Variants in RNF122 observed in about 807,000 individuals in gnomAD.
The protein encoded by RNF122 is ring finger protein 122.
A neutral mutation model predicts 24.2 loss-of-function variants in RNF122; 17 were observed. The ratio of observed to expected loss-of-function variants is 0.70; its 90% CI spans 0.48 to 1.06. The LOEUF (loss-of-function observed/expected upper bound fraction) is 1.06, where lower values mean the gene tolerates loss of function less well. RNF122 is among the 50% of genes least tolerant of loss of function. The pLI, the probability that RNF122 is intolerant of heterozygous loss-of-function variation, is 0.00. For missense variants in RNF122, 168 were observed against 198.1 expected, an observed-to-expected ratio of 0.85 and a Z score of 0.91; for synonymous variants, 65 against 71.8, an observed-to-expected ratio of 0.91 and a Z score of 0.48.
intron 1 of RNF122, among the ~76,000 whole-genome samples, chr8:33,564,872 C>CAAA: frequency 1.3e-5 from 2 of 150,334 alleles, no homozygotes; most frequent in African/African-American, 5.0e-5. Context: ...AACTCAGTCT[C>CAAA]AAAAAAATAA....
chr8:33,563,889 G>A lies in RNF122; in HGVS notation c.25+2810C>T, dbSNP rs77670275. On this transcript the variant is annotated intron_variant, in intron 1 of 5. Transcript: ENST00000256257. ...CAGAGGATATCTGTGCACTCCACAA[G>A]CACGATGGTCCCCGCAAGTCCTCTG... Among the ~76,000 whole-genome samples the A allele has an allele frequency of 9.6e-3, 1,463 of 152,238 alleles. 21 individuals are homozygous for A. Among genetic ancestry groups the A allele is most frequent in the African/African-American group, 0.032 (1,334 of 41,534 alleles).
Position 33,551,520 on chromosome 8 carries a change from A to C in RNF122, c.183-131T>G, listed in dbSNP as rs1213975308. 28 of 859,134 alleles carry C rather than the reference A, an allele frequency of 3.3e-5. No individual in the cohort carries two copies. The Admixed American group carries it at 5.5e-4, about 17-fold the overall frequency. The allele number at this position is 859,134 out of a possible 1,614,324, so 53.2% of individuals were successfully genotyped here. On this transcript the variant is annotated intron_variant, in intron 2 of 5. Coordinates refer to ENST00000256257, the MANE Select transcript of RNF122 (RefSeq NM_024787.3). ...GCTTGTCCCATACACACCACAGGGCATACTTTGGACCTATGCAAGCCAACA... is the reference window on the plus strand; with the variant it reads ...GCTTGTCCCATACACACCACAGGGCCTACTTTGGACCTATGCAAGCCAACA...
In RNF122 at chr8:33,548,147, CCT is replaced by C. The variant is rs1486114412; in HGVS notation, c.*604_*605del. The C allele has an allele frequency of 6.6e-6, 1 of 152,562 alleles. No individual in the cohort carries two copies. The highest frequency in any genetic ancestry group is 1.9e-4 in the East Asian group (1 of 5,182). 9.5% of individuals were successfully genotyped at this position (152,562 alleles called of 1,614,324 possible). On this transcript the variant is annotated 3_prime_UTR_variant, in exon 6 of 6. Transcript: ENST00000256257. ...CCGTGGGTCCTGGCAGGGGAAGGGC[CCT>C]CTCTTACTCTGGAGTCAGCTGGCGC...
chr8:33,561,539 CT>C (rs954906007), intron 1 of RNF122, among the ~76,000 whole-genome samples: 26 of 146,614 alleles, frequency 1.8e-4, no homozygotes, highest in Middle Eastern at 3.5e-3. Context: ...TCCTAGTTGC[CT>C]TTTTTTTTTT....
In RNF122 at chr8:33,561,638, G is replaced by A. The variant is rs200398614; in HGVS notation, c.26-2867C>T. On this transcript the variant is annotated intron_variant, in intron 1 of 5. Coordinates refer to ENST00000256257, the MANE Select transcript of RNF122 (RefSeq NM_024787.3). The stretch of plus-strand genomic sequence containing the variant: ...GCTCACTGCAACCTCTGCCTCCTGG[G>A]TTCAAGTGATCCTTCTACCTCAGCT... Among the ~76,000 whole-genome samples, 33 of 152,032 alleles carry A rather than the reference G, an allele frequency of 2.2e-4. No homozygotes were observed. The East Asian group carries it at 6.4e-3, about 29-fold the overall frequency.
chr8:33,558,250 C>T (rs182616435), intron 2 of RNF122, among the ~76,000 whole-genome samples: 1 of 152,240 alleles, frequency 6.6e-6, no homozygotes, highest in East Asian at 1.9e-4. Flanking sequence ...CTGATGCCCA[C>T]CTGTTCCCGA....
intron 4 of RNF122, among the ~76,000 whole-genome samples, chr8:33,550,795 G>C (rs1173912621): frequency 6.6e-6 from 1 of 152,104 alleles, no homozygotes; most frequent in African/African-American, 2.4e-5. Context: ...TGGGACTCCT[G>C]GGGCTGTGGG....
Position 33,558,775 on chromosome 8 carries a change from C to A in RNF122, c.26-4G>T. The stretch of plus-strand genomic sequence containing the variant: ...AGTCCCAGGCCACAGAAACACCCTG[C>A]AAAGGGAGAGAAAAAAAAATCATTA... On this transcript the variant is annotated splice_region_variant and splice_polypyrimidine_tract_variant and intron_variant, in intron 1 of 5. Coordinates refer to ENST00000256257, the MANE Select transcript of RNF122 (RefSeq NM_024787.3). 2.6e-6 allele frequency: 4 copies of A among 1,511,388 alleles called. No individual in the cohort carries two copies. In the African/African-American group the frequency reaches 5.7e-5, roughly 22 times the overall value. 93.6% of individuals were successfully genotyped at this position (1,511,388 alleles called of 1,614,324 possible).
At chr8:33,561,795 G>A (rs562894707) in intron 1 of RNF122, among the ~76,000 whole-genome samples, 17 of 152,026 alleles carry the variant, frequency 1.1e-4, no homozygotes, top group Admixed American at 2.0e-4. Flanking sequence ...CACCCGTCTT[G>A]GCCTCCCAAG....
intron 2 of RNF122, among the ~76,000 whole-genome samples, chr8:33,552,839 G>A (rs997256912): frequency 3.3e-5 from 5 of 152,018 alleles, no homozygotes; most frequent in African/African-American, 1.2e-4. Flanking sequence ...TGGGCAGATT[G>A]CTTGAGCTCA....
intron 2 of RNF122, among the ~76,000 whole-genome samples, chr8:33,556,681 G>A (rs1810457174): frequency 6.6e-6 from 1 of 152,214 alleles, no homozygotes; most frequent in Non-Finnish European, 1.5e-5. Context: ...CAGGAAAGGG[G>A]AGGAGACAGG....
chr8:33,559,844 T>G (rs912952271), intron 1 of RNF122, among the ~76,000 whole-genome samples: 1 of 140,060 alleles, frequency 7.1e-6, no homozygotes, highest in Non-Finnish European at 1.5e-5. Flanking sequence ...TACGCTGTTT[T>G]TTTTTTTTTT....
intron 1 of RNF122, among the ~76,000 whole-genome samples, chr8:33,563,368 A>G (rs981633923): frequency 6.6e-5 from 10 of 152,236 alleles, no homozygotes; most frequent in African/African-American, 2.4e-4. Context: ...GTCAACCAGC[A>G]AGTATTATTG....
chr8:33,558,317 C>T (rs1320039393), intron 2 of RNF122, among the ~76,000 whole-genome samples: 1 of 152,160 alleles, frequency 6.6e-6, no homozygotes, highest in Non-Finnish European at 1.5e-5. Context: ...GGACCACTAA[C>T]TTTATTACTC....
At chr8:33,552,618 C>A (rs908830985) in intron 2 of RNF122, among the ~76,000 whole-genome samples, 2 of 152,026 alleles carry the variant, frequency 1.3e-5, no homozygotes, top group Non-Finnish European at 2.9e-5. Flanking sequence ...TGGGACACAC[C>A]CTACCTTTTA....
chr8:33,553,172 T>C (rs1810402191), intron 2 of RNF122, among the ~76,000 whole-genome samples: 1 of 151,936 alleles, frequency 6.6e-6, no homozygotes, highest in Admixed American at 6.6e-5. Context: ...CCTGGGTTAT[T>C]TGGAAGGAAA....
At chr8:33,566,525 C>T (rs1365973043) in intron 1 of RNF122, among the ~76,000 whole-genome samples, 174 bp downstream of exon 1, 2 of 152,192 alleles carry the variant, frequency 1.3e-5, no homozygotes, top group Admixed American at 6.5e-5. Context: ...TGGATAGTTT[C>T]AAATTCCGCG....
chr8:33,562,842 C>T (rs10106706), intron 1 of RNF122, among the ~76,000 whole-genome samples: 88,892 of 151,908 alleles, frequency 0.59, 27,177 homozygotes, highest in African/African-American at 0.77. Context: ...AGAATTACTT[C>T]GACCTGGGAA....
At chr8:33,556,647 G>A (rs1810456536) in intron 2 of RNF122, among the ~76,000 whole-genome samples, 1 of 152,082 alleles carries the variant, frequency 6.6e-6, no homozygotes, top group African/African-American at 2.4e-5. Context: ...TGGTCAGGAA[G>A]AATTCAAGGA....
Sources: gnomAD v4.1 joint callset for allele counts (sites outside exome capture counted in the v4.1 genomes callset) on GRCh38, gnomAD v4.1.1 for gene constraint, MANE v1.5 for transcripts, NCBI Gene and HGNC (gene_info 2026-07-23, HGNC 2026-07-21) for gene names.